SENP1: variants seen among roughly 807,000 people sequenced by gnomAD.
SENP1 encodes the protein SUMO specific peptidase 1.
SENP1 carries 21 observed loss-of-function variants against 93.0 expected under a neutral mutation model. That is an observed-to-expected ratio of 0.23 (90% confidence interval 0.16 to 0.33). The LOEUF (loss-of-function observed/expected upper bound fraction) is 0.33, where lower values mean the gene tolerates loss of function less well. Among genes scored for constraint, SENP1 ranks in the 10% least tolerant of loss-of-function variants. The pLI, the probability that SENP1 is intolerant of heterozygous loss-of-function variation, is 1.00. For missense variants in SENP1, 591 were observed against 758.7 expected (o/e 0.78, Z 2.60); for synonymous variants, 256 against 259.6 (o/e 0.99, Z 0.13).
At chr12:48,069,187 G>C (rs1189075115) in intron 9 of SENP1, among the ~76,000 whole-genome samples, 1 of 121,642 alleles carries the variant, frequency 8.2e-6, no homozygotes, top group African/African-American at 3.1e-5. Context: ...AAGAAAGAAA[G>C]AAAAGGAAGC....
chr12:48,074,233 A>G, intron 8 of SENP1, 91 bp downstream of exon 8: 1 of 1,063,062 alleles, frequency 9.4e-7, no homozygotes, highest in African/African-American at 1.6e-5. Context: ...TCATTTATTT[A>G]TATGTATATT....
At chr12:48,095,535 CAAAAAAAAA>C (rs3054235) in intron 4 of SENP1, among the ~76,000 whole-genome samples, 2 of 85,882 alleles carry the variant, frequency 2.3e-5, no homozygotes, top group Admixed American at 2.5e-4. Context: ...GACTCTGTGT[CAAAAAAAAA>C]AAAAAAAAAA....
intron 6 of SENP1, among the ~76,000 whole-genome samples, chr12:48,081,998 C>T (rs1944525644): frequency 6.6e-6 from 1 of 152,162 alleles, no homozygotes; most frequent in Non-Finnish European, 1.5e-5. Flanking sequence ...ACGCCATTCT[C>T]CTGCCTCAGC....
chr12:48,047,578 T>C (rs531878117), intron 15 of SENP1, among the ~76,000 whole-genome samples: 2 of 152,278 alleles, frequency 1.3e-5, no homozygotes, highest in South Asian at 4.2e-4. Context: ...CTCCTGGCCA[T>C]CAGAGTGGTA....
At chr12:48,054,614 AC>A (rs879695630) in intron 13 of SENP1, among the ~76,000 whole-genome samples, 3 of 151,930 alleles carry the variant, frequency 2.0e-5, no homozygotes, top group Non-Finnish European at 4.4e-5. Flanking sequence ...ACATGGTGAA[AC>A]CCCATCTCTA....
At position 48,044,444 on chromosome 12, in the gene SENP1, C is replaced by T. The variant is rs140583159; in HGVS notation, c.*878G>A. 2.0e-5 allele frequency: 3 copies of T among 151,390 alleles called. No homozygotes were observed. The highest frequency in any genetic ancestry group is 2.0e-4 in the Admixed American group (3 of 15,188). 9.4% of individuals were successfully genotyped at this position (151,390 alleles called of 1,614,324 possible). ...GTTAGAAACATATTTAAACTAGCCA[C>T]AGACCAAACTAGATCTGCATTCATC... On this transcript the variant is annotated 3_prime_UTR_variant, in exon 18 of 18. Coordinates refer to ENST00000549518, the MANE Select transcript of SENP1 (RefSeq NM_001267594.2).
intron 4 of SENP1, chr12:48,089,272 G>GC: frequency 1.4e-6 from 2 of 1,388,138 alleles, no homozygotes; most frequent in Non-Finnish European, 1.9e-6. Flanking sequence ...ACTATATCTT[G>GC]CAAGCACTCC....
chr12:48,093,937 G>A (rs570253262), intron 4 of SENP1, among the ~76,000 whole-genome samples: 20 of 152,158 alleles, frequency 1.3e-4, no homozygotes, highest in African/African-American at 4.3e-4. Flanking sequence ...ACTCCAGCCT[G>A]GGCAACAGAG....
rs748946871 is a variant in SENP1, at chr12:48,066,974, A to G, written c.996-9T>C. On this transcript the variant is annotated splice_polypyrimidine_tract_variant and intron_variant, in intron 9 of 17. Coordinates refer to ENST00000549518, the MANE Select transcript of SENP1 (RefSeq NM_001267594.2). ...CCTGGAAGAAAGTAGAACTATGGGT[A>G]GGAAAAGAAAAATTTGACAAATGAG... 1.3e-6 allele frequency: 2 copies of G among 1,548,586 alleles called. No individual in the cohort carries two copies. The highest frequency in any genetic ancestry group is 1.8e-6 in the Non-Finnish European group (2 of 1,142,808).
At chr12:48,062,133 A>G (rs890806450) in intron 13 of SENP1, among the ~76,000 whole-genome samples, 3 of 152,174 alleles carry the variant, frequency 2.0e-5, no homozygotes, top group African/African-American at 7.2e-5. Flanking sequence ...GTAAATAGCA[A>G]GAACTCAGCT....
chr12:48,050,970 G>A (rs181525432), intron 13 of SENP1, among the ~76,000 whole-genome samples: 9 of 152,112 alleles, frequency 5.9e-5, no homozygotes, highest in African/African-American at 2.2e-4. Context: ...TGAAGCAGGA[G>A]GTGAAAGGAA....
chr12:48,101,659 G>T (rs1945942252), intron 1 of SENP1, 143 bp from the exon 2 acceptor site: 2 of 551,352 alleles, frequency 3.6e-6, no homozygotes, highest in East Asian at 6.7e-5. Context: ...TGACTTGATG[G>T]GAAAAGAGTA....
intron 13 of SENP1, among the ~76,000 whole-genome samples, chr12:48,050,290 G>A (rs1037177739): frequency 6.6e-6 from 1 of 152,190 alleles, no homozygotes; most frequent in African/African-American, 2.4e-5. Context: ...AGAACAGTGA[G>A]CTACTGCCCA....
At chr12:48,077,424 G>A (rs575563763) in intron 6 of SENP1, among the ~76,000 whole-genome samples, 1 of 151,872 alleles carries the variant, frequency 6.6e-6, no homozygotes, top group Non-Finnish European at 1.5e-5. Flanking sequence ...TCCATTTTTA[G>A]TTGATTTTTG....
In SENP1 at chr12:48,074,442, A is replaced by C. The variant is rs1465426453; in HGVS notation, c.822T>G (p.Ser274=). The stretch of plus-strand genomic sequence containing the variant: ...ATCCAAATGCAACATCTGGGGTATA[A>C]GAAGATAGGGAATATACACTGTGGG... ...QLSHSVYSLS[S]YTPDVAFGSK... The change falls in exon 8 of 18, where the codon TCT becomes TCG. Residue 274 remains serine (S), a synonymous_variant. Coordinates refer to ENST00000549518, the MANE Select transcript of SENP1 (RefSeq NM_001267594.2). 6.2e-7 allele frequency: 1 copy of C among 1,613,956 alleles called. No individual in the cohort carries two copies. Among genetic ancestry groups the C allele is most frequent in the South Asian group, 1.1e-5 (1 of 91,088 alleles).
intron 5 of SENP1, among the ~76,000 whole-genome samples, chr12:48,084,616 T>C (rs891971938): frequency 3.3e-5 from 5 of 151,974 alleles, no homozygotes; most frequent in Non-Finnish European, 7.4e-5. Flanking sequence ...ACCCAGGTGA[T>C]TTTTGTATTT....
At chr12:48,077,425 T>G (rs538272400) in intron 6 of SENP1, among the ~76,000 whole-genome samples, 1 of 152,328 alleles carries the variant, frequency 6.6e-6, no homozygotes, top group South Asian at 2.1e-4. Flanking sequence ...CCATTTTTAG[T>G]TGATTTTTGC....
In SENP1 at chr12:48,091,821, T is replaced by C. The variant is rs114302267; in HGVS notation, c.221-2861A>G. 6.0e-3 allele frequency among the ~76,000 whole-genome samples: 906 copies of C among 152,076 alleles called. 7 individuals carry two copies. The highest frequency in any genetic ancestry group is 0.021 in the African/African-American group (852 of 41,490). On this transcript the variant is annotated intron_variant, in intron 4 of 17. Transcript: ENST00000549518. ...AGCTTCCTCAGTAGCTGGGACTACATGTACACGTTACCATGTCCAGGTAAT... is the reference window on the plus strand; with the variant it reads ...AGCTTCCTCAGTAGCTGGGACTACACGTACACGTTACCATGTCCAGGTAAT...
At chr12:48,076,491 A>T (rs1235896496) in intron 6 of SENP1, among the ~76,000 whole-genome samples, 1 of 144,356 alleles carries the variant, frequency 6.9e-6, no homozygotes, top group Non-Finnish European at 1.5e-5. Context: ...CACAGAGCTA[A>T]TTTTTTTTTT....
Sources: allele counts gnomAD v4.1 joint callset (sites outside exome capture counted in the v4.1 genomes callset), GRCh38; gene constraint gnomAD v4.1.1; transcripts MANE v1.5; gene names NCBI Gene and HGNC (gene_info 2026-07-23, HGNC 2026-07-21).